Variants in AGBL4 observed in about 807,000 individuals in gnomAD.
AGBL4 encodes the protein AGBL carboxypeptidase 4, also known as cytosolic carboxypeptidase 6.
Under a neutral mutation model 66.4 loss-of-function variants are expected in AGBL4, and 58 were observed. That is an observed-to-expected ratio of 0.87 (90% CI 0.71 to 1.09). The LOEUF is 1.09. AGBL4 is among the 50% of genes least tolerant of loss of function. AGBL4 has a pLI of 0.00. For missense variants in AGBL4, 579 were observed against 631.0 expected (o/e 0.92, Z 0.88); for synonymous variants, 234 against 222.9 (o/e 1.05, Z -0.44).
chr1:48,884,929 AG>A (rs1307954113), intron 5 of AGBL4, among the ~76,000 whole-genome samples: 11 of 151,328 alleles, frequency 7.3e-5, no homozygotes, highest in Non-Finnish European at 1.3e-4. Context: ...AAAGAAAGAG[AG>A]AGAGCAAGAA....
At chr1:49,884,894 T>C (rs1321354820) in intron 1 of AGBL4, among the ~76,000 whole-genome samples, 1 of 151,892 alleles carries the variant, frequency 6.6e-6, no homozygotes, top group African/African-American at 2.4e-5. Flanking sequence ...TGAAATAATA[T>C]AATTATAATC....
intron 3 of AGBL4, among the ~76,000 whole-genome samples, chr1:49,305,593 A>T (rs1401831121): frequency 6.6e-6 from 1 of 152,130 alleles, no homozygotes; most frequent in East Asian, 1.9e-4. Context: ...CTGTATTGTG[A>T]TGTCATTAAA....
At chr1:48,587,253 A>C in intron 10 of AGBL4, 87 bp from the exon 11 acceptor site, 32 of 1,342,896 alleles carry the variant, frequency 2.4e-5, no homozygotes, top group Non-Finnish European at 3.1e-5. Flanking sequence ...TCTGGGTCTC[A>C]GCTTCACTGT....
chr1:48,902,348 T>C (rs529130664), intron 5 of AGBL4, among the ~76,000 whole-genome samples: 1 of 152,214 alleles, frequency 6.6e-6, no homozygotes, highest in East Asian at 1.9e-4. Flanking sequence ...ATGGTGGTAG[T>C]GGGAGGGAAG....
At chr1:49,781,362 C>A (rs1472529511) in intron 2 of AGBL4, among the ~76,000 whole-genome samples, 6 of 152,072 alleles carry the variant, frequency 3.9e-5, no homozygotes, top group Non-Finnish European at 8.8e-5. Flanking sequence ...CCACTGTACT[C>A]TCCAGCCTGA....
intron 1 of AGBL4, among the ~76,000 whole-genome samples, chr1:49,910,842 G>A (rs546465626): frequency 4.6e-5 from 7 of 152,058 alleles, no homozygotes; most frequent in East Asian, 1.9e-4. Context: ...CGGGCACGGC[G>A]GCATGCGTCT....
At chr1:49,503,636 C>T (rs768069269) in intron 3 of AGBL4, among the ~76,000 whole-genome samples, 1 of 152,132 alleles carries the variant, frequency 6.6e-6, no homozygotes, top group Non-Finnish European at 1.5e-5. Flanking sequence ...AATCAGGTGA[C>T]CTGGATGTGA....
intron 3 of AGBL4, among the ~76,000 whole-genome samples, chr1:49,645,198 A>T (rs568214773): frequency 6.6e-6 from 1 of 151,604 alleles, no homozygotes; most frequent in South Asian, 2.1e-4. Flanking sequence ...GAAAGAGGAG[A>T]ACATTACACT....
intron 3 of AGBL4, among the ~76,000 whole-genome samples, chr1:49,456,455 T>G (rs557363786): frequency 1.3e-4 from 19 of 151,898 alleles, no homozygotes; most frequent in African/African-American, 4.6e-4. Context: ...TACTTTTGAT[T>G]TATTACAACT....
chr1:49,332,788 T>C (rs1645360543), intron 3 of AGBL4, among the ~76,000 whole-genome samples: 1 of 152,190 alleles, frequency 6.6e-6, no homozygotes. Context: ...GAAAAAACTA[T>C]TTTAAAAACA....
At chr1:49,880,679 G>C (rs1647209443) in intron 1 of AGBL4, among the ~76,000 whole-genome samples, 1 of 152,298 alleles carries the variant, frequency 6.6e-6, no homozygotes, top group South Asian at 2.1e-4. Context: ...GACCTGTGGT[G>C]GGCTCCACCC....
rs534470780 is a variant in AGBL4, at chr1:48,538,880, T to A, written c.1364+762A>T. Among the ~76,000 whole-genome samples, 5 of 152,320 alleles carry A rather than the reference T, an allele frequency of 3.3e-5. No individual in the cohort carries two copies. In the South Asian group the frequency reaches 8.3e-4, roughly 25 times the overall value. ...CCGGGAGTTGGGCATTGTCATGTCC[T>A]TCAAGTAGGATGGACCACTGAAGGA... On this transcript the variant is annotated intron_variant, in intron 12 of 13. Transcript: ENST00000371839.
At chr1:49,084,786 T>A (rs556375632) in intron 4 of AGBL4, among the ~76,000 whole-genome samples, 1 of 152,252 alleles carries the variant, frequency 6.6e-6, no homozygotes, top group East Asian at 1.9e-4. Context: ...CAAAAATATG[T>A]TAAAAAACAT....
At chr1:49,694,200 A>T (rs1217824294) in intron 3 of AGBL4, among the ~76,000 whole-genome samples, 2 of 152,142 alleles carry the variant, frequency 1.3e-5, no homozygotes, top group Non-Finnish European at 2.9e-5. Flanking sequence ...TGACTAGATT[A>T]CACTTATGCA....
chr1:49,492,449 T>A (rs1647210648), intron 3 of AGBL4, among the ~76,000 whole-genome samples: 1 of 152,010 alleles, frequency 6.6e-6, no homozygotes, highest in Admixed American at 6.6e-5. Context: ...TGACTGTGGG[T>A]AACTGAAACT....
chr1:48,567,983 G>A (rs150306648), intron 11 of AGBL4, among the ~76,000 whole-genome samples: 96 of 152,278 alleles, frequency 6.3e-4, no homozygotes, highest in African/African-American at 2.1e-3. Flanking sequence ...TTCAAGCACC[G>A]AGGCTGGGAC....
At chr1:48,826,599 A>G (rs898439511) in intron 6 of AGBL4, among the ~76,000 whole-genome samples, 2 of 152,244 alleles carry the variant, frequency 1.3e-5, no homozygotes, top group Admixed American at 1.3e-4. Flanking sequence ...GGCCCAAGAA[A>G]GAAGATATAA....
intron 4 of AGBL4, among the ~76,000 whole-genome samples, chr1:49,135,302 A>C (rs940757710): frequency 6.6e-6 from 1 of 152,176 alleles, no homozygotes; most frequent in Non-Finnish European, 1.5e-5. Flanking sequence ...GCAAAAACCC[A>C]GAGTATTTTT....
At chr1:49,178,397 A>G (rs551643452) in intron 4 of AGBL4, among the ~76,000 whole-genome samples, 6 of 152,258 alleles carry the variant, frequency 3.9e-5, no homozygotes, top group African/African-American at 1.4e-4. Flanking sequence ...GTTAATTTCA[A>G]TGATGTCATC....
Sources: allele counts gnomAD v4.1 joint callset (sites outside exome capture counted in the v4.1 genomes callset), GRCh38; gene constraint gnomAD v4.1.1; transcripts MANE v1.5; gene names NCBI Gene and HGNC (gene_info 2026-07-23, HGNC 2026-07-21).